TPR: variants seen among roughly 807,000 people sequenced by gnomAD.
TPR encodes the protein translocated promoter region, nuclear basket protein, also known as nucleoprotein TPR.
A neutral mutation model predicts 316.1 loss-of-function variants in TPR; 51 were observed. The observed-to-expected ratio is 0.16, with a 90% confidence interval of 0.13 to 0.20. TPR has a LOEUF of 0.20. Among genes scored for constraint, TPR ranks in the 10% least tolerant of loss-of-function variants. The probability of loss-of-function intolerance (pLI) is 1.00; values close to 1 mark genes in which losing one functional copy is unlikely to be tolerated. For synonymous variants in TPR, 981 were observed against 914.7 expected, an observed-to-expected ratio of 1.07 and a Z score of -1.31; for missense variants, 2,272 against 2,754.8, an observed-to-expected ratio of 0.82 and a Z score of 3.92.
At chr1:186,369,583 A>G (rs918480294) in intron 3 of TPR, among the ~76,000 whole-genome samples, 3 of 152,072 alleles carry the variant, frequency 2.0e-5, no homozygotes, top group Non-Finnish European at 4.4e-5. Context: ...ATTTTTTAAT[A>G]TTGATTTTGT....
In TPR at chr1:186,359,830, C is replaced by T. The variant is rs1391644698; in HGVS notation, c.1358G>A (p.Ser453Asn). 6.3e-7 allele frequency: 1 copy of T among 1,586,266 alleles called. No individual in the cohort carries two copies. Among genetic ancestry groups the T allele is most frequent in the Non-Finnish European group, 8.5e-7 (1 of 1,172,762 alleles). The change falls in exon 12 of 51, where the codon AGT becomes AAT. Residue 453 changes from serine to asparagine, a missense_variant. This residue lies in a region of TPR where 549 missense variants were observed against 598.6 expected (regional missense o/e 0.92). Coordinates refer to ENST00000367478, the MANE Select transcript of TPR (RefSeq NM_003292.3). ...AGCTTGTTCAAGCTTAACAGATAAA[C>T]TTGCTACAGCTTTCTGTGCACGTTC... ...EYERAQKAVA[S>N]LSVKLEQAMK...
At chr1:186,344,646 A>C in intron 24 of TPR, 68 bp from the exon 25 acceptor site, 1 of 1,218,818 alleles carries the variant, frequency 8.2e-7, no homozygotes, top group Non-Finnish European at 1.1e-6. Flanking sequence ...GCACTTGTCC[A>C]AAGATACACA....
In TPR at chr1:186,363,378, T is replaced by C; in HGVS notation, c.495A>G (p.Lys165=). Residue 165 remains lysine (K), a synonymous_variant, in exon 5 of 51, where the codon AAA becomes AAG. Transcript: ENST00000367478. ...CATCAGAAGCTTGAAGTTCATCCAA[T>C]TTTAACTGAAGTTCACCCTTTGTTG... ...SNTTKGELQL[K]LDELQASDVS... 1.2e-6 allele frequency: 2 copies of C among 1,612,872 alleles called. No individual in the cohort carries two copies. The highest frequency in any genetic ancestry group is 1.7e-6 in the Non-Finnish European group (2 of 1,179,190).
chr1:186,341,471 T>A, intron 27 of TPR, 82 bp from the exon 28 acceptor site: 1 of 1,370,198 alleles, frequency 7.3e-7, no homozygotes, highest in Non-Finnish European at 9.7e-7. Flanking sequence ...AAATCCTCCC[T>A]ATGACAAAAT....
Position 186,327,522 on chromosome 1 carries a change from C to T in TPR, c.5827G>A (p.Val1943Ile), listed in dbSNP as rs1658037954. Residue 1943 changes from valine to isoleucine, a missense_variant, in exon 40 of 51, where the codon GTC becomes ATC. Physicochemically the swap from Val to Ile is conservative, Grantham distance 29. Transcript: ENST00000367478. ...SQDGQGKGDD[V>I]IVIDSDDEEE... ...TCATCATCACTGTCAATTACAATGA[C>T]ATCATCTCCTTTGCCTTGACCATCC... The T allele has an allele frequency of 1.9e-6, 3 of 1,611,404 alleles. No homozygotes were observed. Among genetic ancestry groups the T allele is most frequent in the Non-Finnish European group, 2.5e-6 (3 of 1,179,410 alleles).
At chr1:186,353,250 T>C (rs893886966) in intron 18 of TPR, among the ~76,000 whole-genome samples, 1 of 151,928 alleles carries the variant, frequency 6.6e-6, no homozygotes, top group African/African-American at 2.4e-5. Context: ...CGGGCACCTG[T>C]AGTCCCAGCT....
At chr1:186,365,746 G>T (rs1406089276) in intron 4 of TPR, among the ~76,000 whole-genome samples, 1 of 152,216 alleles carries the variant, frequency 6.6e-6, no homozygotes, top group African/African-American at 2.4e-5. Flanking sequence ...CAGATGTTGT[G>T]CATGATGTCA....
At chr1:186,318,383 A>G (rs1571597059) in intron 48 of TPR, 64 bp downstream of exon 48, 2 of 1,532,896 alleles carry the variant, frequency 1.3e-6, no homozygotes, top group East Asian at 4.5e-5. Flanking sequence ...TCTTGGCTAA[A>G]GGAAAACAAA....
intron 42 of TPR, among the ~76,000 whole-genome samples, chr1:186,325,157 A>T (rs1657883083): frequency 6.6e-6 from 1 of 152,174 alleles, no homozygotes; most frequent in South Asian, 2.1e-4. Context: ...AGGTTTTACT[A>T]TGTCAACACT....
chr1:186,346,064 C>A, intron 23 of TPR, 71 bp downstream of exon 23: 1 of 1,495,378 alleles, frequency 6.7e-7, no homozygotes, highest in South Asian at 1.4e-5. Flanking sequence ...TAAATGGCAA[C>A]TAATGACTTA....
At position 186,344,453 on chromosome 1, in the gene TPR, C is replaced by A. The variant is rs750502396; in HGVS notation, c.3339G>T (p.Leu1113Phe). Residue 1113 changes from leucine (L) to phenylalanine (F), a missense_variant, in exon 25 of 51, where the codon TTG becomes TTT. Leu to Phe is a conservative substitution (Grantham distance 22). Around this residue, in one of 10 missense-constraint regions of TPR, gnomAD observed 757 missense variants for 859.8 expected, o/e 0.88. Coordinates refer to ENST00000367478, the MANE Select transcript of TPR (RefSeq NM_003292.3). ...VSKMASVRQH[L>F]EETTQKAESQ... Reference sequence around the variant, plus strand: ...ATTCTGCTTTCTGTGTTGTTTCTTCCAAATGCTGACGGACTGATGCCATTT... The same window carrying A: ...ATTCTGCTTTCTGTGTTGTTTCTTCAAAATGCTGACGGACTGATGCCATTT... 6.2e-7 allele frequency: 1 copy of A among 1,613,906 alleles called. No homozygotes were observed. Among genetic ancestry groups the A allele is most frequent in the Non-Finnish European group, 8.5e-7 (1 of 1,179,924 alleles).
intron 17 of TPR, among the ~76,000 whole-genome samples, chr1:186,354,834 C>T (rs904069680): frequency 4.6e-5 from 7 of 152,068 alleles, no homozygotes; most frequent in Non-Finnish European, 7.4e-5. Context: ...TAAGTCCTAC[C>T]GAAACAAGTC....
chr1:186,341,170 T>A lies in TPR; in HGVS notation c.3889-11A>T. ...CTCCAGTTTCCTCACCTGAAAATCA[T>A]GCCAATATTTAACAACAAATGTAAA... On this transcript the variant is annotated splice_polypyrimidine_tract_variant and intron_variant, in intron 28 of 50. Transcript: ENST00000367478. 1 of 1,613,172 alleles carries A rather than the reference T, an allele frequency of 6.2e-7. No individual in the cohort carries two copies. The highest frequency in any genetic ancestry group is 8.5e-7 in the Non-Finnish European group (1 of 1,179,816).
At chr1:186,374,837 G>C (rs1435800726) in intron 1 of TPR, 41 bp downstream of exon 1, 1 of 1,560,492 alleles carries the variant, frequency 6.4e-7, no homozygotes, top group South Asian at 1.2e-5. Flanking sequence ...AAGGGCGGGA[G>C]TCGAGCCCAA....
At chr1:186,348,650 T>C (rs957729711) in intron 21 of TPR, among the ~76,000 whole-genome samples, 1 of 152,124 alleles carries the variant, frequency 6.6e-6, no homozygotes, top group Non-Finnish European at 1.5e-5. Context: ...CGGTCCTAGA[T>C]ATGTGATGTC....
chr1:186,339,718 A>T lies in TPR; in HGVS notation c.4075T>A (p.Ser1359Thr). Reference sequence around the variant, plus strand: ...CGCTTAGTATGAACTTCCTTTTCAGAAAGGAGCTTCCGATATTCTTCTGTA... The same window carrying T: ...CGCTTAGTATGAACTTCCTTTTCAGTAAGGAGCTTCCGATATTCTTCTGTA... Reference protein sequence around the residue: ...PDTEEYRKLLSEKEVHTKRIQ... With the variant: ...PDTEEYRKLLTEKEVHTKRIQ... The change falls in exon 30 of 51, where the codon TCT (serine) becomes ACT (threonine). Residue 1359 changes from serine (S) to threonine (T), a missense_variant. Ser to Thr is a moderately conservative substitution (Grantham distance 58). Around this residue, in one of 10 missense-constraint regions of TPR, gnomAD observed 96 missense variants for 134.6 expected, o/e 0.71. Transcript: ENST00000367478. The T allele has an allele frequency of 6.2e-7, 1 of 1,605,184 alleles. No individual in the cohort carries two copies. Among genetic ancestry groups the T allele is most frequent in the Non-Finnish European group, 8.5e-7 (1 of 1,175,788 alleles).
chr1:186,355,291 T>C (rs1658990880), intron 17 of TPR, 119 bp downstream of exon 17: 2 of 1,056,530 alleles, frequency 1.9e-6, no homozygotes, highest in Non-Finnish European at 2.8e-6. Flanking sequence ...AGGTTCTCAT[T>C]CTGGAACACA....
Position 186,356,307 on chromosome 1 carries a change from C to T in TPR, c.1867G>A (p.Gly623Arg). 1 of 1,605,782 alleles carries T rather than the reference C, an allele frequency of 6.2e-7. No homozygotes were observed. Among genetic ancestry groups the T allele is most frequent in the Non-Finnish European group, 8.5e-7 (1 of 1,174,098 alleles). ...CTACCATGTAATGGAATGGCAACTC[C>T]TGTTGTTTGTGACAATAAAATACGG... is the stretch of plus-strand genomic sequence containing the variant. ...MYRILLSQTTGVAIPLHASSL... is the reference protein window; with the variant it reads ...MYRILLSQTTRVAIPLHASSL... The change falls in exon 15 of 51, where the codon GGA becomes AGA. Residue 623 changes from glycine (G) to arginine (R), a missense_variant. Physicochemically the swap from Gly to Arg is moderately radical, Grantham distance 125. Around this residue, in one of 10 missense-constraint regions of TPR, gnomAD observed 757 missense variants for 859.8 expected, o/e 0.88. Coordinates refer to ENST00000367478, the MANE Select transcript of TPR (RefSeq NM_003292.3).
At position 186,327,483 on chromosome 1, in the gene TPR, C is replaced by T. The variant is rs757634476; in HGVS notation, c.5866G>A (p.Asp1956Asn). The change falls in exon 40 of 51, where the codon GAT becomes AAT. Residue 1956 changes from aspartate to asparagine, a missense_variant. Asp to Asn is a conservative substitution (Grantham distance 23). Coordinates refer to ENST00000367478, the MANE Select transcript of TPR (RefSeq NM_003292.3). ...ACCTCATGTTCTCCATCATTTTCAT[C>T]ATCATCCTCTTCTTCATCATCACTG... ...IDSDDEEEDD[D>N]ENDGEHEDYE... 4 of 1,610,122 alleles carry T rather than the reference C, an allele frequency of 2.5e-6. No individual in the cohort carries two copies. Among genetic ancestry groups the T allele is most frequent in the South Asian group, 2.2e-5 (2 of 90,928 alleles).
Sources: allele counts gnomAD v4.1 joint callset (sites outside exome capture counted in the v4.1 genomes callset), GRCh38; gene constraint gnomAD v4.1.1; regional missense constraint gnomAD v4.1.1; transcripts MANE v1.5; gene names NCBI Gene and HGNC (gene_info 2026-07-23, HGNC 2026-07-21).